MECOM: variants seen among roughly 807,000 people sequenced by gnomAD.
MECOM encodes MDS1 and EVI1 complex locus.
A neutral mutation model predicts 116.3 loss-of-function variants in MECOM; 13 were observed. The observed-to-expected ratio is 0.11, with a 90% confidence interval of 0.07 to 0.18. MECOM has a LOEUF of 0.18. MECOM is among the 10% of genes least tolerant of loss of function. The pLI is 1.00. For missense variants in MECOM, 1,299 were observed against 1,509.0 expected (o/e 0.86, Z 2.31); for synonymous variants, 528 against 535.2 (o/e 0.99, Z 0.19).
chr3:169,521,388 T>G (rs1757334589), intron 1 of MECOM, among the ~76,000 whole-genome samples: 1 of 152,168 alleles, frequency 6.6e-6, no homozygotes, highest in Non-Finnish European at 1.5e-5. Context: ...GATCATCTCT[T>G]ATCCAAGAGG....
At chr3:169,655,697 A>G (rs1371699864) in intron 1 of MECOM, among the ~76,000 whole-genome samples, 2 of 152,352 alleles carry the variant, frequency 1.3e-5, no homozygotes, top group East Asian at 3.9e-4. Context: ...CTGAGGGCAT[A>G]ATTTATTGAG....
intron 2 of MECOM, among the ~76,000 whole-genome samples, chr3:169,342,189 C>T (rs1332862064): frequency 6.6e-6 from 1 of 151,738 alleles, no homozygotes; most frequent in Non-Finnish European, 1.5e-5. Flanking sequence ...CAGCAATTAA[C>T]CAAGTTTATA....
At chr3:169,116,780 A>T in intron 7 of MECOM, 41 bp from the exon 8 acceptor site, 1 of 1,531,444 alleles carries the variant, frequency 6.5e-7, no homozygotes, top group Non-Finnish European at 8.7e-7. Context: ...GCTTTATGTC[A>T]ATTGCTTCTG....
chr3:169,538,711 A>C (rs1759693212), intron 1 of MECOM, among the ~76,000 whole-genome samples: 1 of 152,192 alleles, frequency 6.6e-6, no homozygotes, highest in South Asian at 2.1e-4. Context: ...TGTTGAGGCT[A>C]GGATTCTCTT....
At chr3:169,236,992 A>C (rs1416271026) in intron 2 of MECOM, among the ~76,000 whole-genome samples, 1 of 152,198 alleles carries the variant, frequency 6.6e-6, no homozygotes, top group Non-Finnish European at 1.5e-5. Flanking sequence ...GTGACCTTTC[A>C]CTTGACCTAT....
chr3:169,384,537 A>T (rs1048581038), intron 1 of MECOM, among the ~76,000 whole-genome samples: 6 of 152,218 alleles, frequency 3.9e-5, no homozygotes, highest in African/African-American at 1.2e-4. Flanking sequence ...TAGAACTGTA[A>T]CATTCAACTA....
chr3:169,284,590 CACAA>C (rs1429487322), intron 2 of MECOM, among the ~76,000 whole-genome samples: 1 of 151,902 alleles, frequency 6.6e-6, no homozygotes, highest in East Asian at 1.9e-4. Flanking sequence ...CACACACACA[CACAA>C]ATGTGTGTGT....
intron 1 of MECOM, among the ~76,000 whole-genome samples, chr3:169,603,153 A>G (rs1237060272): frequency 2.6e-5 from 4 of 152,250 alleles, no homozygotes; most frequent in Non-Finnish European, 4.4e-5. Context: ...CCATAAGATT[A>G]TAACAGAGCT....
intron 2 of MECOM, among the ~76,000 whole-genome samples, chr3:169,267,689 T>C (rs1194584147): frequency 6.6e-6 from 1 of 152,126 alleles, no homozygotes; most frequent in African/African-American, 2.4e-5. Context: ...TTCTCCATAC[T>C]CCCTAGTCCT....
At chr3:169,552,193 A>G (rs1200962224) in intron 1 of MECOM, among the ~76,000 whole-genome samples, 1 of 108,970 alleles carries the variant, frequency 9.2e-6, no homozygotes, top group African/African-American at 2.9e-5. Flanking sequence ...TGTCAATTAT[A>G]TCACAATAAA....
intron 2 of MECOM, among the ~76,000 whole-genome samples, chr3:169,247,398 C>T (rs1458418361): frequency 1.3e-5 from 2 of 152,042 alleles, no homozygotes; most frequent in African/African-American, 2.4e-5. Context: ...CTCCACCTCC[C>T]GCGTTCAAGT....
chr3:169,127,747 G>A (rs545549867), intron 5 of MECOM, 97 bp downstream of exon 5: 1 of 969,222 alleles, frequency 1.0e-6, no homozygotes, highest in East Asian at 2.4e-5. Context: ...CCAGCTCACT[G>A]GAGTTCCAAA....
At position 169,482,758 on chromosome 3, in the gene MECOM, G is replaced by A. The variant is rs145935818; in HGVS notation, c.38-101234C>T. On this transcript the variant is annotated intron_variant, in intron 1 of 16. Coordinates refer to ENST00000651503, the MANE Select transcript of MECOM (RefSeq NM_004991.4). Reference sequence around the variant, plus strand: ...AGGAACTCATATTAACCTACTCTGAGCAGACTCTTGATTTTTTATTTCTGG... The same window carrying A: ...AGGAACTCATATTAACCTACTCTGAACAGACTCTTGATTTTTTATTTCTGG... Among the ~76,000 whole-genome samples the A allele has an allele frequency of 1.1e-4, 16 of 152,272 alleles. No individual in the cohort carries two copies. In the East Asian group the frequency reaches 2.9e-3, roughly 28 times the overall value.
intron 1 of MECOM, among the ~76,000 whole-genome samples, chr3:169,585,685 T>A (rs1469914487): frequency 6.6e-6 from 1 of 152,182 alleles, no homozygotes; most frequent in African/African-American, 2.4e-5. Flanking sequence ...TTCCTACCCA[T>A]CCCTTCTTAA....
chr3:169,575,482 G>A (rs1037345176), intron 1 of MECOM, among the ~76,000 whole-genome samples: 1 of 152,152 alleles, frequency 6.6e-6, no homozygotes, highest in Non-Finnish European at 1.5e-5. Flanking sequence ...CACCAAATCT[G>A]GGTTGCTCGT....
At chr3:169,265,524 C>A (rs1758169520) in intron 2 of MECOM, among the ~76,000 whole-genome samples, 2 of 152,146 alleles carry the variant, frequency 1.3e-5, no homozygotes, top group South Asian at 2.1e-4. Context: ...TAGAAGTCAT[C>A]ATTGGAAGAT....
intron 1 of MECOM, among the ~76,000 whole-genome samples, chr3:169,533,957 A>T (rs1759000403): frequency 6.6e-6 from 1 of 152,178 alleles, no homozygotes. Flanking sequence ...ATGGGGATGA[A>T]ATAAGTAAAG....
chr3:169,528,338 A>G (rs1446592332), intron 1 of MECOM, among the ~76,000 whole-genome samples: 2 of 152,220 alleles, frequency 1.3e-5, no homozygotes, highest in East Asian at 3.8e-4. Context: ...AACATAGAAC[A>G]TAAGAGCCTC....
At chr3:169,212,647 T>C (rs1225791492) in intron 2 of MECOM, among the ~76,000 whole-genome samples, 2 of 47,308 alleles carry the variant, frequency 4.2e-5, no homozygotes, top group African/African-American at 2.2e-4. Context: ...TATATATATA[T>C]ATATATATAT....
Sources: gnomAD v4.1 joint callset for allele counts (sites outside exome capture counted in the v4.1 genomes callset) on GRCh38, gnomAD v4.1.1 for gene constraint, MANE v1.5 for transcripts, NCBI Gene and HGNC (gene_info 2026-07-23, HGNC 2026-07-21) for gene names.